The following LCORL variants were observed in gnomAD, a reference collection of about 807,000 sequenced individuals.
LCORL encodes ligand-dependent nuclear receptor corepressor-like protein.
LCORL carries 41 observed loss-of-function variants against 141.8 expected under a neutral mutation model. The ratio of observed to expected loss-of-function variants is 0.29; its 90% CI spans 0.23 to 0.38. The LOEUF is 0.38. Among genes scored for constraint, LCORL ranks in the 10% least tolerant of loss-of-function variants. The pLI is 1.00. For missense variants in LCORL, 1,759 were observed against 2,035.0 expected, an observed-to-expected ratio of 0.86 and a Z score of 2.61; for synonymous variants, 618 against 694.1, an observed-to-expected ratio of 0.89 and a Z score of 1.72.
At chr4:17,996,152 A>G (rs935390936) in intron 1 of LCORL, among the ~76,000 whole-genome samples, 1 of 152,116 alleles carries the variant, frequency 6.6e-6, no homozygotes, top group Non-Finnish European at 1.5e-5. Context: ...GTTCTTAGGC[A>G]CAAATTCAGG....
chr4:17,896,269 C>G (rs1729907194), intron 5 of LCORL, among the ~76,000 whole-genome samples: 1 of 152,140 alleles, frequency 6.6e-6, no homozygotes. Context: ...CTTTTCTCCT[C>G]TCCTTTCCTT....
chr4:17,912,997 C>T (rs925397658), intron 4 of LCORL: 4 of 329,618 alleles, frequency 1.2e-5, no homozygotes, highest in Non-Finnish European at 1.8e-5. Context: ...AAGTAGGGTC[C>T]GCTCTGGGGA....
At chr4:17,873,314 T>C in intron 7 of LCORL, 74 bp downstream of exon 7, 1 of 956,092 alleles carries the variant, frequency 1.0e-6, no homozygotes, top group East Asian at 3.3e-5. Context: ...GCATCAGCTG[T>C]TCCTTTTCTA....
At chr4:17,939,457 C>A (rs1737463885) in intron 4 of LCORL, among the ~76,000 whole-genome samples, 1 of 152,108 alleles carries the variant, frequency 6.6e-6, no homozygotes, top group Admixed American at 6.5e-5. Flanking sequence ...AGCAATTCTA[C>A]TCATAGGTAT....
rs1002581727 is a variant in LCORL, at chr4:18,021,870, G to C, written c.-119C>G. On this transcript the variant is annotated 5_prime_UTR_variant, in exon 1 of 8. Transcript: ENST00000635767. The surrounding 1 kb of genome is among the most constrained non-coding windows in gnomAD (Gnocchi z 5.5). Reference sequence around the variant, plus strand: ...CCCCCGGAGGGGGGTTGATTGACACGTGTCACTACCTTCCCTCTGCCCTGC... The same window carrying C: ...CCCCCGGAGGGGGGTTGATTGACACCTGTCACTACCTTCCCTCTGCCCTGC... The C allele has an allele frequency of 8.7e-7, 1 of 1,154,580 alleles. No individual in the cohort carries two copies. The highest frequency in any genetic ancestry group is 1.7e-5 in the African/African-American group (1 of 60,506). The allele number at this position is 1,154,580 out of a possible 1,614,324, so 71.5% of individuals were successfully genotyped here. A position where few individuals can be genotyped will look rare whatever the true frequency, so the allele number is the denominator to read the frequency against.
At chr4:17,943,650 A>T (rs1470570294) in intron 4 of LCORL, among the ~76,000 whole-genome samples, 1 of 152,206 alleles carries the variant, frequency 6.6e-6, no homozygotes, top group South Asian at 2.1e-4. Context: ...AATCAAGGAT[A>T]AAGTAAGTGG....
At chr4:17,972,798 T>G in intron 2 of LCORL, 22 bp downstream of exon 2, 1 of 1,313,710 alleles carries the variant, frequency 7.6e-7, no homozygotes, top group Non-Finnish European at 1.0e-6. Flanking sequence ...TGACAACTTT[T>G]AAATAAAATT....
chr4:17,877,671 G>A (rs1727063494), exon 7 of LCORL: 1 of 1,229,150 alleles, frequency 8.1e-7, no homozygotes, highest in African/African-American at 1.6e-5. Flanking sequence ...TAATGGTGGG[G>A]GTGAGGGACT....
chr4:17,978,948 G>A (rs1236353794), intron 1 of LCORL, among the ~76,000 whole-genome samples: 2 of 151,748 alleles, frequency 1.3e-5, no homozygotes, highest in African/African-American at 2.4e-5. Flanking sequence ...AAGTTTTAGG[G>A]TACATGTGCA....
intron 4 of LCORL, among the ~76,000 whole-genome samples, chr4:17,914,385 C>T (rs762789603): frequency 3.9e-5 from 6 of 152,134 alleles, no homozygotes; most frequent in Non-Finnish European, 8.8e-5. Context: ...TTATTAGACC[C>T]ATATCATGTG....
intron 4 of LCORL, among the ~76,000 whole-genome samples, chr4:17,918,693 G>C (rs1380452961): frequency 6.6e-6 from 1 of 152,154 alleles, no homozygotes; most frequent in Non-Finnish European, 1.5e-5. Flanking sequence ...TAAACAAGTA[G>C]GTGAACAGAG....
At chr4:18,005,363 G>A (rs1474435192) in intron 1 of LCORL, among the ~76,000 whole-genome samples, 2 of 152,134 alleles carry the variant, frequency 1.3e-5, no homozygotes, top group Admixed American at 6.5e-5. Flanking sequence ...TGCTTTCACA[G>A]GCTGATGTTG....
intron 4 of LCORL, among the ~76,000 whole-genome samples, chr4:17,917,776 C>T (rs1256832179): frequency 1.3e-5 from 2 of 152,094 alleles, no homozygotes; most frequent in African/African-American, 2.4e-5. Flanking sequence ...CTTCATTAAA[C>T]AAAAGAACTC....
intron 1 of LCORL, among the ~76,000 whole-genome samples, chr4:18,016,747 C>T (rs1724700877): frequency 6.6e-6 from 1 of 152,082 alleles, no homozygotes; most frequent in African/African-American, 2.4e-5. Flanking sequence ...TATTAGAAGA[C>T]TTAAATTTAC....
intron 4 of LCORL, among the ~76,000 whole-genome samples, chr4:17,916,166 C>T (rs1257111869): frequency 1.3e-5 from 2 of 152,190 alleles, no homozygotes; most frequent in African/African-American, 4.8e-5. Context: ...TGACCCTTCC[C>T]TAATTTTTGT....
chr4:17,983,433 G>C (rs1718371485), intron 1 of LCORL, among the ~76,000 whole-genome samples: 2 of 151,958 alleles, frequency 1.3e-5, no homozygotes, highest in Non-Finnish European at 2.9e-5. Context: ...TGTCATCTCT[G>C]ACTTATCTGA....
intron 5 of LCORL, among the ~76,000 whole-genome samples, chr4:17,891,308 A>C (rs1729038183): frequency 6.6e-6 from 1 of 152,158 alleles, no homozygotes; most frequent in African/African-American, 2.4e-5. Context: ...CCAGAGTTTA[A>C]GTCCAGACTG....
intron 4 of LCORL, among the ~76,000 whole-genome samples, chr4:17,913,540 T>C (rs1208070689): frequency 6.6e-6 from 1 of 152,240 alleles, no homozygotes; most frequent in Non-Finnish European, 1.5e-5. Context: ...GCTTTTGACT[T>C]TCTGGAGGCC....
At chr4:18,006,466 C>T (rs1202166150) in intron 1 of LCORL, among the ~76,000 whole-genome samples, 7 of 152,144 alleles carry the variant, frequency 4.6e-5, no homozygotes, top group African/African-American at 1.4e-4. Flanking sequence ...CAGTGCCCCA[C>T]TCTACTGGTA....
Sources: gnomAD v4.1 joint callset for allele counts (sites outside exome capture counted in the v4.1 genomes callset) on GRCh38, gnomAD v4.1.1 for gene constraint, Gnocchi (gnomAD v3.1) non-coding constraint, MANE v1.5 for transcripts, NCBI Gene and HGNC (gene_info 2026-07-23, HGNC 2026-07-21) for gene names.